IL17REL: variants seen among roughly 807,000 people sequenced by gnomAD.
The protein encoded by IL17REL is interleukin 17 receptor E like.
A neutral mutation model predicts 49.0 loss-of-function variants in IL17REL; 36 were observed. The ratio of observed to expected loss-of-function variants is 0.73; its 90% CI spans 0.56 to 0.97. The LOEUF (loss-of-function observed/expected upper bound fraction) is 0.97, where lower values mean the gene tolerates loss of function less well. IL17REL is among the 50% of genes least tolerant of loss of function. The probability of loss-of-function intolerance (pLI) is 0.00; values close to 1 mark genes in which losing one functional copy is unlikely to be tolerated. For synonymous variants in IL17REL, 206 were observed against 192.4 expected, an observed-to-expected ratio of 1.07 and a Z score of -0.58; for missense variants, 470 against 453.9, an observed-to-expected ratio of 1.04 and a Z score of -0.32.
At chr22:49,997,656 A>T in intron 10 of IL17REL, 29 bp downstream of exon 12, 1 of 1,604,024 alleles carries the variant, frequency 6.2e-7, no homozygotes. Context: ...TGCTGCGTCC[A>T]CATTGCGTAG....
intron 4 of IL17REL, among the ~76,000 whole-genome samples, 32 bp downstream of exon 6, chr22:50,000,164 T>G (rs1437225923): frequency 2.6e-4 from 39 of 152,080 alleles, no homozygotes; most frequent in Non-Finnish European, 1.5e-5. Context: ...CGTCTGAGGG[T>G]CTTCGCAGGG....
exon 13 of IL17REL, chr22:49,996,191 G>A (rs916718614): frequency 1.3e-5 from 2 of 152,198 alleles, no homozygotes; most frequent in African/African-American, 2.4e-5. Flanking sequence ...CCCTGGAAAG[G>A]GTCTCCAGAG....
At chr22:50,009,531 C>T (rs2061127334), upstream of IL17REL, among the ~76,000 whole-genome samples, 1 of 151,930 alleles carries the variant, frequency 6.6e-6, no homozygotes, top group Non-Finnish European at 1.5e-5. Context: ...CCCCTGGGGG[C>T]GGCCACTGAG....
chr22:50,003,491 A>G (rs1304355482), intron 1 of IL17REL, among the ~76,000 whole-genome samples: 1 of 134,660 alleles, frequency 7.4e-6, no homozygotes. Flanking sequence ...ACTGCACTCC[A>G]GCCTGGAGAC....
At chr22:49,998,177 C>A (rs1177212559) in exon 8 of IL17REL, 8 of 1,610,116 alleles carry the variant, frequency 5.0e-6, no homozygotes, top group Non-Finnish European at 5.9e-6. Context: ...CAGCTTACGG[C>A]AGCCGGCCCC....
intron 4 of IL17REL, 85 bp downstream of exon 5, chr22:50,000,393 G>T: frequency 2.0e-6 from 2 of 1,015,684 alleles, no homozygotes; most frequent in East Asian, 2.4e-5. Context: ...GTGAGGGCCA[G>T]GCCCCTGCCC....
intron 1 of IL17REL, among the ~76,000 whole-genome samples, chr22:50,007,261 A>G (rs1313902548): frequency 6.6e-6 from 1 of 152,112 alleles, no homozygotes; most frequent in African/African-American, 2.4e-5. Context: ...CCCTCCACCC[A>G]ATGCGTAGGT....
At chr22:49,998,261 T>G (rs755992821) in exon 8 of IL17REL, 1 of 1,612,198 alleles carries the variant, frequency 6.2e-7, no homozygotes, top group African/African-American at 1.3e-5. Context: ...TGTCTGGCTC[T>G]CCGGGTGGTA....
chr22:50,005,123 T>C (rs1273161353), intron 1 of IL17REL, among the ~76,000 whole-genome samples: 2 of 152,032 alleles, frequency 1.3e-5, no homozygotes, highest in Non-Finnish European at 2.9e-5. Context: ...GAACAGGATC[T>C]TGTCCCAACT....
At chr22:49,997,163 C>G (rs2061040547) in intron 11 of IL17REL, 89 bp from the exon 14 acceptor site, 6 of 1,430,052 alleles carry the variant, frequency 4.2e-6, no homozygotes, top group Non-Finnish European at 5.8e-6. Flanking sequence ...TCAGCACCCA[C>G]AAAGCAGGGC....
chr22:49,992,517 C>T (rs140297640), downstream of IL17REL, among the ~76,000 whole-genome samples: 3,213 of 152,290 alleles, frequency 0.021, 115 homozygotes, highest in African/African-American at 0.073. Context: ...AGCCTCAATC[C>T]CCCAGGCTCA....
chr22:50,010,156 C>T (rs2061131253), upstream of IL17REL, among the ~76,000 whole-genome samples: 1 of 152,242 alleles, frequency 6.6e-6, no homozygotes. Context: ...GACCCTCCTC[C>T]GCCTGCCATG....
At chr22:49,997,246 C>T in intron 11 of IL17REL, 74 bp downstream of exon 13, 1 of 1,502,416 alleles carries the variant, frequency 6.7e-7, no homozygotes, top group Non-Finnish European at 9.2e-7. Context: ...GCAGAGACCA[C>T]CACAGGGAAG....
chr22:49,991,911 C>G (rs1169305365), downstream of IL17REL, among the ~76,000 whole-genome samples: 1 of 152,054 alleles, frequency 6.6e-6, no homozygotes, highest in Non-Finnish European at 1.5e-5. Flanking sequence ...CCGGGCACAG[C>G]TTGGTTTTAT....
exon 2 of IL17REL, chr22:50,001,095 G>A (rs1171133336): frequency 1.3e-6 from 2 of 1,590,116 alleles, no homozygotes; most frequent in Non-Finnish European, 1.7e-6. Context: ...GCAGGGTGAT[G>A]GAGGCGCGTA....
exon 12 of IL17REL, chr22:49,997,017 A>G: frequency 6.5e-7 from 1 of 1,541,688 alleles, no homozygotes; most frequent in Non-Finnish European, 8.7e-7. Flanking sequence ...CCTGGGGCAC[A>G]GGCCTCCTCC....
At chr22:50,001,269 T>G (rs2061078729) in intron 1 of IL17REL, 38 bp from the exon 3 acceptor site, 3 of 891,076 alleles carry the variant, frequency 3.4e-6, no homozygotes, top group Non-Finnish European at 5.4e-6. Flanking sequence ...TCGAGTTCCC[T>G]GGTGCTCGGA....
upstream of IL17REL, among the ~76,000 whole-genome samples, chr22:50,010,179 G>C (rs2061131444): frequency 6.6e-6 from 1 of 152,230 alleles, no homozygotes; most frequent in Non-Finnish European, 1.5e-5. Flanking sequence ...CACGAAACCC[G>C]CCGCCCGTGG....
chr22:50,011,624 G>A (rs540394495), upstream of IL17REL, among the ~76,000 whole-genome samples: 1 of 152,062 alleles, frequency 6.6e-6, no homozygotes, highest in South Asian at 2.1e-4. Flanking sequence ...GTGGCATCCG[G>A]TGGACACCCC....
Sources: gnomAD v4.1 joint callset for allele counts (sites outside exome capture counted in the v4.1 genomes callset) on GRCh38, gnomAD v4.1.1 for gene constraint, MANE v1.5 for transcripts, NCBI Gene and HGNC (gene_info 2026-07-23, HGNC 2026-07-21) for gene names.